Variants in CERK observed in about 807,000 individuals in gnomAD.
CERK encodes the protein acylsphingosine kinase.
Under a neutral mutation model 63.4 loss-of-function variants are expected in CERK, and 39 were observed. The ratio of observed to expected loss-of-function variants is 0.61; its 90% confidence interval spans 0.48 to 0.80. The LOEUF (loss-of-function observed/expected upper bound fraction) is 0.80, where lower values mean the gene tolerates loss of function less well. CERK is among the 30% of genes least tolerant of loss of function. The pLI is 0.00. For synonymous variants in CERK, 302 were observed against 280.0 expected (o/e 1.08, Z -0.78); for missense variants, 670 against 714.1 (o/e 0.94, Z 0.70).
At chr22:46,701,083 C>A (rs186723784) in intron 7 of CERK, among the ~76,000 whole-genome samples, 45 of 152,304 alleles carry the variant, frequency 3.0e-4, no homozygotes, top group Admixed American at 2.7e-3. Context: ...GGCACGGTAA[C>A]CCTGTCTACT....
chr22:46,711,688 T>C (rs762016237), intron 4 of CERK, among the ~76,000 whole-genome samples: 1 of 152,248 alleles, frequency 6.6e-6, no homozygotes, highest in Non-Finnish European at 1.5e-5. Flanking sequence ...CTTGATTGCC[T>C]TCTATGCTGA....
chr22:46,690,215 T>A lies in CERK; in HGVS notation c.1333-15A>T. 1 of 1,610,546 alleles carries A rather than the reference T, an allele frequency of 6.2e-7. No individual in the cohort carries two copies. The highest frequency in any genetic ancestry group is 1.1e-5 in the South Asian group (1 of 90,988). ...GTGAAGTCAAACTACCAAGAAACAGTGAGAGGGACCATTCAGCTCTAAACG... is the reference window on the plus strand; with the variant it reads ...GTGAAGTCAAACTACCAAGAAACAGAGAGAGGGACCATTCAGCTCTAAACG... On this transcript the variant is annotated splice_polypyrimidine_tract_variant and intron_variant, in intron 11 of 12. Coordinates refer to ENST00000216264, the MANE Select transcript of CERK (RefSeq NM_022766.6).
chr22:46,731,424 CCT>C (rs561103697), intron 1 of CERK, among the ~76,000 whole-genome samples: 20 of 152,360 alleles, frequency 1.3e-4, no homozygotes, highest in Middle Eastern at 3.4e-3. Flanking sequence ...ACAAGCAGCC[CCT>C]GACTCCGCTG....
rs2082696434 is a variant in CERK at position 46,685,655 on chromosome 22, G to A, written c.*1479C>T. ...TTTTCATTCATTATTGAACCATTTG[G>A]CTTGCACAGTGCTCTCTGATAATGT... On this transcript the variant is annotated 3_prime_UTR_variant, in exon 13 of 13. Transcript: ENST00000216264. The A allele has an allele frequency of 6.6e-6, 1 of 152,184 alleles. No individual in the cohort carries two copies. Among genetic ancestry groups the A allele is most frequent in the South Asian group, 2.1e-4 (1 of 4,822 alleles). 9.4% of individuals were successfully genotyped at this position (152,184 alleles called of 1,614,324 possible).
chr22:46,721,019 T>G lies in CERK; in HGVS notation c.143-4A>C. 1 of 1,576,484 alleles carries G rather than the reference T, an allele frequency of 6.3e-7. No individual in the cohort carries two copies. The highest frequency in any genetic ancestry group is 1.1e-5 in the South Asian group (1 of 90,340). On this transcript the variant is annotated splice_region_variant and splice_polypyrimidine_tract_variant and intron_variant, in intron 1 of 12. Coordinates refer to ENST00000216264, the MANE Select transcript of CERK (RefSeq NM_022766.6). ...GATACAGGCACAGAGCAGGCATCTG[T>G]AAAAACACCACGTCCTTCTGTCAAA...
intron 3 of CERK, among the ~76,000 whole-genome samples, chr22:46,713,338 A>G (rs1036200429): frequency 3.3e-5 from 5 of 151,312 alleles, no homozygotes; most frequent in African/African-American, 1.2e-4. Flanking sequence ...TCCCGTCTCT[A>G]CTAAAAAAAA....
At chr22:46,723,886 C>A (rs936933818) in intron 1 of CERK, among the ~76,000 whole-genome samples, 3 of 152,022 alleles carry the variant, frequency 2.0e-5, no homozygotes, top group Admixed American at 6.5e-5. Flanking sequence ...TTAGTAGAGA[C>A]GGGATTTCAC....
chr22:46,724,703 T>C (rs2082908936), intron 1 of CERK, among the ~76,000 whole-genome samples: 1 of 152,160 alleles, frequency 6.6e-6, no homozygotes, highest in Non-Finnish European at 1.5e-5. Flanking sequence ...GTCCGATAAA[T>C]GATGGCTTCC....
intron 3 of CERK, among the ~76,000 whole-genome samples, chr22:46,719,533 G>A (rs966421733): frequency 3.9e-5 from 6 of 152,124 alleles, no homozygotes; most frequent in African/African-American, 1.2e-4. Flanking sequence ...TTAGCCAGGC[G>A]TGGTGGCGCA....
At chr22:46,727,460 T>C (rs1285509297) in intron 1 of CERK, among the ~76,000 whole-genome samples, 1 of 151,192 alleles carries the variant, frequency 6.6e-6, no homozygotes, top group African/African-American at 2.4e-5. Context: ...TTTTTTTTTT[T>C]TTTTTTGAGA....
rs571394594 is a variant in CERK, at chr22:46,701,887, G to T, written c.716-177C>A. 8.5e-4 allele frequency among the ~76,000 whole-genome samples: 129 copies of T among 152,270 alleles called. 1 individual carries two copies. The highest frequency in any genetic ancestry group is 3.0e-3 in the African/African-American group (125 of 41,558). ...GAAAATACTAGCGTTGATTCCTCAA[G>T]AATATTGAGATTGGGCCGGGCGGTG... is the stretch of plus-strand genomic sequence containing the variant. On this transcript the variant is annotated intron_variant, in intron 6 of 12. Coordinates refer to ENST00000216264, the MANE Select transcript of CERK (RefSeq NM_022766.6).
intron 3 of CERK, among the ~76,000 whole-genome samples, chr22:46,716,846 G>A (rs1237964263): frequency 6.6e-6 from 1 of 151,954 alleles, no homozygotes; most frequent in Non-Finnish European, 1.5e-5. Context: ...GGAGGCTGAG[G>A]ATTGCTTGAA....
At chr22:46,688,144 C>T (rs1017962640) in intron 12 of CERK, among the ~76,000 whole-genome samples, 18 of 152,158 alleles carry the variant, frequency 1.2e-4, no homozygotes, top group African/African-American at 4.3e-4. Context: ...GCCGAGACCT[C>T]GCCATTGCAC....
At chr22:46,731,176 C>T (rs929055233) in intron 1 of CERK, among the ~76,000 whole-genome samples, 7 of 152,250 alleles carry the variant, frequency 4.6e-5, no homozygotes, top group African/African-American at 1.4e-4. Context: ...GGCAGCCCAG[C>T]CCGGGCCCCC....
intron 8 of CERK, among the ~76,000 whole-genome samples, chr22:46,696,652 C>T (rs2082757984): frequency 6.6e-6 from 1 of 152,258 alleles, no homozygotes; most frequent in Non-Finnish European, 1.5e-5. Flanking sequence ...CTCTGTGCTG[C>T]TCCAGAACAA....
rs73888627 is a variant in CERK at position 46,712,305 on chromosome 22, C to G, written c.380-12G>C. 11 of 1,611,318 alleles carry G rather than the reference C, an allele frequency of 6.8e-6. No homozygotes were observed. The highest frequency in any genetic ancestry group is 1.7e-5 in the Admixed American group (1 of 59,482). On this transcript the variant is annotated splice_polypyrimidine_tract_variant and intron_variant, in intron 3 of 12. Transcript: ENST00000216264. Reference sequence around the variant, plus strand: ...CTTTGGTCTGGACGCTGTAAGACAACAACATGTAAATAACAACGAAAATAA... The same window carrying G: ...CTTTGGTCTGGACGCTGTAAGACAAGAACATGTAAATAACAACGAAAATAA...
Position 46,698,912 on chromosome 22 carries a change from T to A in CERK, c.943+401A>T, listed in dbSNP as rs188461312. On this transcript the variant is annotated intron_variant, in intron 8 of 12. Transcript: ENST00000216264. Reference sequence around the variant, plus strand: ...GAAGACTGTGTCTCAAAAAAATTTTTAAAAAATATATTTTAAAAACTATTT... The same window carrying A: ...GAAGACTGTGTCTCAAAAAAATTTTAAAAAAATATATTTTAAAAACTATTT... 7.0e-4 allele frequency among the ~76,000 whole-genome samples: 107 copies of A among 152,284 alleles called. 1 individual carries two copies. The highest frequency in any genetic ancestry group is 6.8e-3 in the Middle Eastern group (2 of 294).
chr22:46,703,882 G>C (rs1235352309), intron 6 of CERK, among the ~76,000 whole-genome samples: 1 of 145,222 alleles, frequency 6.9e-6, no homozygotes, highest in African/African-American at 2.6e-5. Context: ...AGCCACACTG[G>C]CTTCCTTGTC....
In CERK at chr22:46,707,731, C is replaced by T. The variant is rs186128501; in HGVS notation, c.715+112G>A. On this transcript the variant is annotated intron_variant, in intron 6 of 12. Coordinates refer to ENST00000216264, the MANE Select transcript of CERK (RefSeq NM_022766.6). Reference sequence around the variant, plus strand: ...TGGCCCTAATGTTAGGAAATCTGTACGAACTAAACTGAGTATAATTGGGTT... The same window carrying T: ...TGGCCCTAATGTTAGGAAATCTGTATGAACTAAACTGAGTATAATTGGGTT... The T allele has an allele frequency of 1.5e-4, 184 of 1,228,656 alleles. No homozygotes were observed. In the African/African-American group the frequency reaches 2.0e-3, roughly 14 times the overall value. 76.1% of individuals were successfully genotyped at this position (1,228,656 alleles called of 1,614,324 possible). A position where few individuals can be genotyped will look rare whatever the true frequency, so the allele number is the denominator to read the frequency against.
Sources: gnomAD v4.1 joint callset for allele counts (sites outside exome capture counted in the v4.1 genomes callset) on GRCh38, gnomAD v4.1.1 for gene constraint, MANE v1.5 for transcripts, NCBI Gene and HGNC (gene_info 2026-07-23, HGNC 2026-07-21) for gene names.